The following EMCN variants were observed in gnomAD, a reference collection of about 807,000 sequenced individuals.
EMCN encodes endomucin.
Under a neutral mutation model 38.4 loss-of-function variants are expected in EMCN, and 37 were observed. That is an observed-to-expected ratio of 0.96 (90% CI 0.74 to 1.27). The LOEUF (loss-of-function observed/expected upper bound fraction) is 1.27. Ranked by LOEUF, EMCN falls within the 50% of genes most tolerant of loss-of-function variation. The probability of loss-of-function intolerance (pLI) is 0.00; values close to 1 mark genes in which losing one functional copy is unlikely to be tolerated. For synonymous variants in EMCN, 95 were observed against 100.8 expected (o/e 0.94, Z 0.35); for missense variants, 318 against 302.8 (o/e 1.05, Z -0.37).
At chr4:100,478,248 A>G (rs1298203675) in intron 2 of EMCN, among the ~76,000 whole-genome samples, 1 of 152,038 alleles carries the variant, frequency 6.6e-6, no homozygotes, top group African/African-American at 2.4e-5. Flanking sequence ...TTCCTGCTTT[A>G]TCTCTCTTCC....
At chr4:100,495,836 T>G (rs1167317275) in intron 1 of EMCN, among the ~76,000 whole-genome samples, 1 of 152,082 alleles carries the variant, frequency 6.6e-6, no homozygotes, top group Non-Finnish European at 1.5e-5. Flanking sequence ...TAAATGTTTA[T>G]TAAATGCTAA....
chr4:100,497,788 A>G (rs189882593), intron 1 of EMCN, among the ~76,000 whole-genome samples: 1 of 152,332 alleles, frequency 6.6e-6, no homozygotes, highest in Admixed American at 6.5e-5. Context: ...CATGTATAGG[A>G]TAAAGTTCAG....
At chr4:100,505,450 T>C (rs1729458782) in intron 1 of EMCN, among the ~76,000 whole-genome samples, 1 of 152,020 alleles carries the variant, frequency 6.6e-6, no homozygotes, top group Admixed American at 6.6e-5. Flanking sequence ...CTTAGGGTTA[T>C]CCTGAATTCC....
At chr4:100,474,418 T>C (rs1294207143) in intron 3 of EMCN, among the ~76,000 whole-genome samples, 1 of 152,204 alleles carries the variant, frequency 6.6e-6, no homozygotes, top group African/African-American at 2.4e-5. Context: ...AAATGTAATA[T>C]AGTACAGCTG....
At chr4:100,436,615 C>A (rs1301128799) in intron 5 of EMCN, among the ~76,000 whole-genome samples, 3 of 152,100 alleles carry the variant, frequency 2.0e-5, no homozygotes, top group Non-Finnish European at 4.4e-5. Context: ...TCAACCCAAA[C>A]GTCCATCAGT....
chr4:100,458,873 C>T (rs1200614793), intron 4 of EMCN, among the ~76,000 whole-genome samples: 1 of 152,166 alleles, frequency 6.6e-6, no homozygotes, highest in African/African-American at 2.4e-5. Context: ...TTTGAAACTT[C>T]CTTTATCATG....
At chr4:100,516,964 T>A (rs1455789016) in intron 1 of EMCN, among the ~76,000 whole-genome samples, 1 of 152,120 alleles carries the variant, frequency 6.6e-6, no homozygotes, top group East Asian at 1.9e-4. Context: ...TATTTTATAT[T>A]AAAATCACAT....
intron 1 of EMCN, among the ~76,000 whole-genome samples, chr4:100,513,552 C>T (rs1016429124): frequency 1.3e-5 from 2 of 152,052 alleles, no homozygotes; most frequent in Non-Finnish European, 2.9e-5. Flanking sequence ...GTATTTGATA[C>T]CCAAAAATAA....
chr4:100,415,988 CA>C (rs755931956), intron 9 of EMCN, 29 bp from the exon 10 acceptor site: 1 of 1,459,868 alleles, frequency 6.8e-7, no homozygotes, highest in Non-Finnish European at 9.4e-7. Context: ...ATGAAATTAA[CA>C]CCACAGTAAT....
chr4:100,399,842 C>T (rs1417695403), intron 11 of EMCN, among the ~76,000 whole-genome samples: 4 of 152,042 alleles, frequency 2.6e-5, no homozygotes, highest in Admixed American at 2.0e-4. Flanking sequence ...AACTGCATGT[C>T]ATGGGTTTTT....
At chr4:100,478,527 A>T (rs1728721000) in intron 2 of EMCN, among the ~76,000 whole-genome samples, 1 of 152,136 alleles carries the variant, frequency 6.6e-6, no homozygotes, top group Admixed American at 6.5e-5. Context: ...AAGTACCTTG[A>T]CAACCAAATT....
At chr4:100,440,276 G>T (rs1022192961) in intron 5 of EMCN, among the ~76,000 whole-genome samples, 7 of 151,876 alleles carry the variant, frequency 4.6e-5, no homozygotes, top group African/African-American at 1.7e-4. Flanking sequence ...GGTACAAGTG[G>T]TTTTTTTGTT....
intron 10 of EMCN, among the ~76,000 whole-genome samples, chr4:100,413,220 A>T (rs1226005049): frequency 6.6e-6 from 1 of 152,154 alleles, no homozygotes; most frequent in African/African-American, 2.4e-5. Flanking sequence ...GTAAATTGTA[A>T]CAGTCATCAA....
chr4:100,446,844 T>G (rs901592323), intron 5 of EMCN, among the ~76,000 whole-genome samples: 1 of 152,204 alleles, frequency 6.6e-6, no homozygotes, highest in Non-Finnish European at 1.5e-5. Context: ...ATGCGGAATT[T>G]GGTTTTCTGT....
At chr4:100,482,285 G>A (rs1425294130) in intron 1 of EMCN, among the ~76,000 whole-genome samples, 1 of 151,956 alleles carries the variant, frequency 6.6e-6, no homozygotes, top group Non-Finnish European at 1.5e-5. Flanking sequence ...GTTTCATGAA[G>A]CTTTGGTATA....
In EMCN at chr4:100,505,047, C is replaced by T. The variant is rs569367185; in HGVS notation, c.64+12804G>A. Among the ~76,000 whole-genome samples the T allele has an allele frequency of 2.0e-5, 3 of 152,344 alleles. No individual in the cohort carries two copies. The South Asian group carries it at 6.2e-4, about 32-fold the overall frequency. The stretch of plus-strand genomic sequence containing the variant: ...ATAATGGCATAAGCTGTCTCTCTCT[C>T]TTTCTCTGCTTCGGCTGCCAGGCAG... On this transcript the variant is annotated intron_variant, in intron 1 of 11. Coordinates refer to ENST00000296420, the MANE Select transcript of EMCN (RefSeq NM_016242.4).
chr4:100,442,281 C>T (rs1727543974), intron 5 of EMCN, among the ~76,000 whole-genome samples: 1 of 152,140 alleles, frequency 6.6e-6, no homozygotes, highest in Admixed American at 6.5e-5. Flanking sequence ...AATTCCTTTA[C>T]ATGTGATTTG....
chr4:100,476,886 A>G (rs1728666403), intron 2 of EMCN, among the ~76,000 whole-genome samples: 1 of 152,228 alleles, frequency 6.6e-6, no homozygotes. Context: ...AAGACAATGA[A>G]TAAAAGGAGA....
chr4:100,478,401 T>G (rs1270887719), intron 2 of EMCN, among the ~76,000 whole-genome samples: 2 of 152,170 alleles, frequency 1.3e-5, no homozygotes, highest in Admixed American at 6.5e-5. Flanking sequence ...TACTAAAGTA[T>G]TGTTATTTAT....
Sources: allele counts gnomAD v4.1 joint callset (sites outside exome capture counted in the v4.1 genomes callset), GRCh38; gene constraint gnomAD v4.1.1; transcripts MANE v1.5; gene names NCBI Gene and HGNC (gene_info 2026-07-23, HGNC 2026-07-21).